Variants in ERO1B observed in about 807,000 individuals in gnomAD.
The protein encoded by ERO1B is ERO1-like protein beta.
In ERO1B, 49 loss-of-function variants were observed where a neutral mutation model predicts 75.3. The observed-to-expected ratio is 0.65, with a 90% CI of 0.52 to 0.83. The LOEUF is 0.83. Among genes scored for constraint, ERO1B ranks in the 40% least tolerant of loss-of-function variants. The pLI, the probability that ERO1B is intolerant of heterozygous loss-of-function variation, is 0.00. For missense variants in ERO1B, 512 were observed against 560.1 expected (o/e 0.91, Z 0.87); for synonymous variants, 191 against 192.9 (o/e 0.99, Z 0.08).
chr1:236,231,157 A>T (rs558394203), intron 9 of ERO1B, among the ~76,000 whole-genome samples: 7 of 152,198 alleles, frequency 4.6e-5, no homozygotes, highest in African/African-American at 1.7e-4. Context: ...TCTAAGACTA[A>T]TAAGTTTTAA....
At chr1:236,272,761 T>C (rs1665624983) in intron 1 of ERO1B, among the ~76,000 whole-genome samples, 2 of 152,254 alleles carry the variant, frequency 1.3e-5, no homozygotes, top group South Asian at 4.1e-4. Flanking sequence ...TTTCCTTTTC[T>C]GGTAATGCAT....
chr1:236,250,600 TA>T (rs1198597072), intron 4 of ERO1B, among the ~76,000 whole-genome samples: 1,998 of 64,074 alleles, frequency 0.031, 83 homozygotes, highest in African/African-American at 0.096. Context: ...TATATATATA[TA>T]TATATATATA....
At chr1:236,249,420 A>C (rs1278677526) in intron 5 of ERO1B, among the ~76,000 whole-genome samples, 3 of 152,186 alleles carry the variant, frequency 2.0e-5, no homozygotes, top group Non-Finnish European at 2.9e-5. Context: ...TATACTACAC[A>C]ATTTGAGGCC....
Position 236,243,422 on chromosome 1 carries a change from C to A in ERO1B, c.505G>T (p.Asp169Tyr). 1 of 1,582,366 alleles carries A rather than the reference C, an allele frequency of 6.3e-7. No individual in the cohort carries two copies. Residue 169 changes from aspartate (D) to tyrosine (Y), a missense_variant and splice_region_variant, in exon 6 of 16, where the codon GAT (aspartate) becomes TAT (tyrosine). Physicochemically the swap from Asp to Tyr is radical, Grantham distance 160. Coordinates refer to ENST00000354619, the MANE Select transcript of ERO1B (RefSeq NM_019891.4). The part of the protein sequence containing the change: ...DSRDHFCELD[D>Y]ERSPAAQYVD... The stretch of plus-strand genomic sequence containing the variant: ...TAATTATAATAGTTTATTGTATTAC[C>A]ATCAAGTTCACAAAAGTGATCCCGT...
Position 236,239,795 on chromosome 1 carries a change from A to ATATATGTGTATATATATG in ERO1B, c.506-3398_506-3397insCATATATATACACATATA, listed in dbSNP as rs1664637456. ...GTTATTTCCTCCTCTTCAAGTATATATATATATATATGTGTGTATATATAT... is the reference window on the plus strand; with the variant it reads ...GTTATTTCCTCCTCTTCAAGTATATATATATGTGTATATATATGTATATATATATGTGTGTATATATAT... On this transcript the variant is annotated intron_variant, in intron 6 of 15. Transcript: ENST00000354619. Among the ~76,000 whole-genome samples the ATATATGTGTATATATATG allele has an allele frequency of 4.6e-5, 4 of 87,868 alleles. 1 individual carries two copies. The highest frequency in any genetic ancestry group is 1.3e-4 in the African/African-American group (4 of 30,798). The allele number at this position is 87,868 out of a possible 152,430, so 57.6% of individuals were successfully genotyped here.
chr1:236,281,797 C>A lies in ERO1B; in HGVS notation c.-14G>T. The A allele has an allele frequency of 7.0e-7, 1 of 1,431,368 alleles. No individual in the cohort carries two copies. Among genetic ancestry groups the A allele is most frequent in the Non-Finnish European group, 9.2e-7 (1 of 1,086,072 alleles). 88.7% of individuals were successfully genotyped at this position (1,431,368 alleles called of 1,614,324 possible). On this transcript the variant is annotated 5_prime_UTR_variant, in exon 1 of 16. Coordinates refer to ENST00000354619, the MANE Select transcript of ERO1B (RefSeq NM_019891.4). ...CCCTTGGCTCATGCTGACCTCTACC[C>A]ACACCGCGGCCAGCCGGACCCCTCG...
At chr1:236,229,267 A>G (rs1219902059) in intron 10 of ERO1B, among the ~76,000 whole-genome samples, 2 of 152,086 alleles carry the variant, frequency 1.3e-5, no homozygotes, top group Non-Finnish European at 2.9e-5. Flanking sequence ...TCTACTAAAA[A>G]TACAAAAATT....
chr1:236,246,551 A>G (rs1474187832), intron 5 of ERO1B, among the ~76,000 whole-genome samples: 1 of 152,232 alleles, frequency 6.6e-6, no homozygotes, highest in East Asian at 1.9e-4. Context: ...CATTCTTACT[A>G]TAGAATACTA....
At chr1:236,238,303 C>T (rs1664593059) in intron 6 of ERO1B, among the ~76,000 whole-genome samples, 1 of 152,104 alleles carries the variant, frequency 6.6e-6, no homozygotes, top group Non-Finnish European at 1.5e-5. Context: ...TCCAAGAACA[C>T]AGATTGACTC....
intron 2 of ERO1B, among the ~76,000 whole-genome samples, chr1:236,262,496 A>G (rs1300367356): frequency 6.6e-6 from 1 of 152,092 alleles, no homozygotes; most frequent in East Asian, 1.9e-4. Context: ...TCTGCCTCCC[A>G]GGCTCAAGTG....
intron 1 of ERO1B, among the ~76,000 whole-genome samples, chr1:236,272,191 A>G (rs919884915): frequency 6.6e-6 from 1 of 152,194 alleles, no homozygotes; most frequent in Non-Finnish European, 1.5e-5. Context: ...TGACCCTGCA[A>G]TCCCACTACC....
chr1:236,253,917 G>A (rs967374796), intron 2 of ERO1B, among the ~76,000 whole-genome samples: 1 of 152,182 alleles, frequency 6.6e-6, no homozygotes, highest in Non-Finnish European at 1.5e-5. Flanking sequence ...TTAAATATTT[G>A]TAAGTTTAGT....
At chr1:236,221,785 C>T in intron 14 of ERO1B, 139 bp downstream of exon 14, 6 of 634,468 alleles carry the variant, frequency 9.5e-6, no homozygotes, top group Non-Finnish European at 1.7e-5. Context: ...ATTTTTTCAT[C>T]AACAGAAAAA....
intron 2 of ERO1B, among the ~76,000 whole-genome samples, chr1:236,260,439 C>T (rs561769840): frequency 6.6e-6 from 1 of 152,266 alleles, no homozygotes; most frequent in East Asian, 1.9e-4. Context: ...GCAGGTGGAT[C>T]ACCTGAGGTC....
At chr1:236,227,641 C>T (rs528978915) in intron 10 of ERO1B, among the ~76,000 whole-genome samples, 2 of 152,210 alleles carry the variant, frequency 1.3e-5, no homozygotes, top group East Asian at 3.9e-4. Context: ...GGAAAATGGG[C>T]TTTAATAGTG....
chr1:236,238,731 A>G (rs1372268088), intron 6 of ERO1B, among the ~76,000 whole-genome samples: 1 of 151,812 alleles, frequency 6.6e-6, no homozygotes, highest in African/African-American at 2.4e-5. Flanking sequence ...TTATATATTT[A>G]TAAATAATTT....
intron 9 of ERO1B, among the ~76,000 whole-genome samples, chr1:236,232,210 T>C (rs1035681408): frequency 6.6e-6 from 1 of 152,232 alleles, no homozygotes; most frequent in Admixed American, 6.5e-5. Context: ...ATTACCATTG[T>C]TTATGTACAG....
chr1:236,269,995 C>CT lies in ERO1B; in HGVS notation c.103-2dup. The stretch of plus-strand genomic sequence containing the variant: ...AGCAATCATCCAGAACTCCAGTGAC[C>CT]TAGAATTTATATAATTTAAAATATG... On this transcript the variant is annotated splice_acceptor_variant, in intron 1 of 15. Coordinates refer to ENST00000354619, the MANE Select transcript of ERO1B (RefSeq NM_019891.4). LOFTEE classifies it high-confidence loss of function. 1.3e-6 allele frequency: 2 copies of CT among 1,576,300 alleles called. No homozygotes were observed. The highest frequency in any genetic ancestry group is 1.7e-6 in the Non-Finnish European group (2 of 1,155,362).
chr1:236,281,057 C>A (rs1665818251), intron 1 of ERO1B, among the ~76,000 whole-genome samples: 1 of 152,220 alleles, frequency 6.6e-6, no homozygotes, highest in Admixed American at 6.5e-5. Context: ...ACTCAGACCC[C>A]CCCAGTCTCG....
Sources: allele counts gnomAD v4.1 joint callset (sites outside exome capture counted in the v4.1 genomes callset), GRCh38; gene constraint gnomAD v4.1.1; transcripts MANE v1.5; gene names NCBI Gene and HGNC (gene_info 2026-07-23, HGNC 2026-07-21).